Variants in STIM2 observed in about 807,000 individuals in gnomAD.
STIM2 encodes the protein stromal interaction molecule 2.
In STIM2, 31 loss-of-function variants were observed where a neutral mutation model predicts 85.8. The observed-to-expected ratio is 0.36, with a 90% confidence interval of 0.27 to 0.49. STIM2 has a LOEUF of 0.49. Among genes scored for constraint, STIM2 ranks in the 20% least tolerant of loss-of-function variants. The pLI is 0.98. For missense variants in STIM2, 841 were observed against 927.6 expected (o/e 0.91, Z 1.21); for synonymous variants, 356 against 331.1 (o/e 1.08, Z -0.82).
chr4:26,897,726 C>T (rs1723764490), intron 1 of STIM2, among the ~76,000 whole-genome samples: 1 of 152,178 alleles, frequency 6.6e-6, no homozygotes, highest in Non-Finnish European at 1.5e-5. Context: ...TTAATATCAT[C>T]TAATACTTAG....
chr4:26,882,892 C>T (rs764280008), intron 1 of STIM2, among the ~76,000 whole-genome samples: 1 of 151,242 alleles, frequency 6.6e-6, no homozygotes, highest in Non-Finnish European at 1.5e-5. Flanking sequence ...GGCTGGAGTG[C>T]AGTGGCGCGA....
At chr4:27,014,476 T>A (rs987586906) in intron 10 of STIM2, among the ~76,000 whole-genome samples, 1 of 149,788 alleles carries the variant, frequency 6.7e-6, no homozygotes, top group Non-Finnish European at 1.5e-5. Context: ...GTATGTATGT[T>A]TTTTTTTTTG....
chr4:26,883,101 G>T (rs1259946861), intron 1 of STIM2, among the ~76,000 whole-genome samples: 1 of 150,608 alleles, frequency 6.6e-6, no homozygotes, highest in African/African-American at 2.4e-5. Context: ...CGCCCACCTT[G>T]GCCTCCCAAA....
chr4:26,986,935 A>G (rs909327482), intron 3 of STIM2, among the ~76,000 whole-genome samples: 17 of 152,242 alleles, frequency 1.1e-4, no homozygotes, highest in African/African-American at 3.6e-4. Flanking sequence ...GCAGTATAGC[A>G]GGAACATAAG....
At chr4:26,894,624 G>A (rs1723624867) in intron 1 of STIM2, among the ~76,000 whole-genome samples, 1 of 151,852 alleles carries the variant, frequency 6.6e-6, no homozygotes, top group Admixed American at 6.6e-5. Context: ...ATGTGTGTGA[G>A]TCTGTTCTGG....
intron 1 of STIM2, among the ~76,000 whole-genome samples, chr4:26,870,916 T>A (rs75057297): frequency 1.1e-4 from 17 of 150,694 alleles, no homozygotes; most frequent in African/African-American, 1.7e-4. Context: ...TTTTTTTTTT[T>A]AAATATCCAG....
intron 11 of STIM2, among the ~76,000 whole-genome samples, chr4:27,021,843 A>G (rs1728924551): frequency 6.6e-6 from 1 of 152,116 alleles, no homozygotes; most frequent in South Asian, 2.1e-4. Flanking sequence ...CATTTACTAT[A>G]TGTTGGTTTT....
intron 10 of STIM2, among the ~76,000 whole-genome samples, chr4:27,013,306 A>G (rs973607743): frequency 6.6e-6 from 1 of 151,924 alleles, no homozygotes; most frequent in Admixed American, 6.6e-5. Flanking sequence ...GTATATTATT[A>G]TAATTGTTCT....
At chr4:26,905,500 C>G (rs1317848987) in intron 1 of STIM2, among the ~76,000 whole-genome samples, 1 of 152,080 alleles carries the variant, frequency 6.6e-6, no homozygotes, top group Non-Finnish European at 1.5e-5. Context: ...GCCAGATTTC[C>G]TGAAGTTGGA....
Position 27,002,390 on chromosome 4 carries a change from G to C in STIM2, c.799G>C (p.Glu267Gln). Reference sequence around the variant, plus strand: ...AGAGCAAAGTCTAATGGACTTACAGGAGAGGTAAGTTCAGAAAAATCATAA... The same window carrying C: ...AGAGCAAAGTCTAATGGACTTACAGCAGAGGTAAGTTCAGAAAAATCATAA... The change falls in exon 6 of 12, where the codon GAG becomes CAG. Residue 267 changes from glutamate to glutamine, a missense_variant. Around this residue, in one of 3 missense-constraint regions of STIM2, gnomAD observed 408 missense variants for 525.4 expected, o/e 0.78. Coordinates refer to ENST00000467087, the MANE Select transcript of STIM2 (RefSeq NM_020860.4). 1 of 1,590,538 alleles carries C rather than the reference G, an allele frequency of 6.3e-7. No individual in the cohort carries two copies. The highest frequency in any genetic ancestry group is 8.5e-7 in the Non-Finnish European group (1 of 1,173,006).
At chr4:26,993,430 G>T (rs1560233111) in intron 3 of STIM2, among the ~76,000 whole-genome samples, 1 of 151,940 alleles carries the variant, frequency 6.6e-6, no homozygotes, top group Non-Finnish European at 1.5e-5. Flanking sequence ...TTTTGTTTGT[G>T]GTTTATTTAA....
At chr4:26,950,228 A>G (rs926059699) in intron 2 of STIM2, among the ~76,000 whole-genome samples, 3 of 152,322 alleles carry the variant, frequency 2.0e-5, no homozygotes, top group East Asian at 3.9e-4. Flanking sequence ...TTATGTTTTT[A>G]TGACACAAAA....
intron 2 of STIM2, among the ~76,000 whole-genome samples, chr4:26,944,494 A>G (rs1725739438): frequency 6.6e-6 from 1 of 152,152 alleles, no homozygotes; most frequent in Non-Finnish European, 1.5e-5. Context: ...TCCATAATAG[A>G]TACTCAGTAA....
rs1301409565 is a variant in STIM2 at position 26,954,733 on chromosome 4, G to A, written c.283-2879G>A. 1.4e-5 allele frequency among the ~76,000 whole-genome samples: 2 copies of A among 148,028 alleles called. 1 individual carries two copies. Among genetic ancestry groups the A allele is most frequent in the South Asian group, 4.3e-4 (2 of 4,660 alleles). ...TCCATAGAACCTGATGATTTTTAAT[G>A]TGTTTGGTTCATTTAAACATTTTCT... On this transcript the variant is annotated intron_variant, in intron 2 of 11. Coordinates refer to ENST00000467087, the MANE Select transcript of STIM2 (RefSeq NM_020860.4).
intron 3 of STIM2, among the ~76,000 whole-genome samples, chr4:26,972,177 C>CA (rs377094186): frequency 1.4e-3 from 220 of 152,276 alleles, no homozygotes; most frequent in Middle Eastern, 3.4e-3. Context: ...ACAATCATGT[C>CA]ATCTACAAAC....
intron 3 of STIM2, among the ~76,000 whole-genome samples, chr4:26,966,839 C>CATAGA (rs1726744170): frequency 6.6e-6 from 1 of 152,104 alleles, no homozygotes; most frequent in East Asian, 1.9e-4. Context: ...GGTTACTCTG[C>CATAGA]ATAGAATAGA....
chr4:26,990,834 C>T (rs1175783872), intron 3 of STIM2, among the ~76,000 whole-genome samples: 3 of 152,084 alleles, frequency 2.0e-5, no homozygotes, highest in South Asian at 2.1e-4. Context: ...AAAAAATGTT[C>T]AGCATCACTA....
intron 2 of STIM2, among the ~76,000 whole-genome samples, chr4:26,953,365 TG>T (rs2109090293): frequency 6.6e-6 from 1 of 152,284 alleles, no homozygotes; most frequent in Non-Finnish European, 1.5e-5. Context: ...GCATATACTA[TG>T]TATGCCTTTT....
intron 2 of STIM2, among the ~76,000 whole-genome samples, chr4:26,943,839 T>C (rs1374180105): frequency 6.6e-6 from 1 of 152,198 alleles, no homozygotes; most frequent in Non-Finnish European, 1.5e-5. Context: ...TGTATTTTCC[T>C]GTAGTCACAC....
Sources: allele counts gnomAD v4.1 joint callset (sites outside exome capture counted in the v4.1 genomes callset), GRCh38; gene constraint gnomAD v4.1.1; regional missense constraint gnomAD v4.1.1; transcripts MANE v1.5; gene names NCBI Gene and HGNC (gene_info 2026-07-23, HGNC 2026-07-21).